The following CTNS variants were observed in gnomAD, a reference collection of about 807,000 sequenced individuals.
CTNS encodes cystinosin.
In CTNS, 27 loss-of-function variants were observed where a neutral mutation model predicts 43.7. The observed-to-expected ratio is 0.62, with a 90% confidence interval of 0.46 to 0.85. The LOEUF is 0.85. Ranked by LOEUF, CTNS falls within the 40% of genes least tolerant of loss-of-function variation. CTNS has a pLI of 0.00. For missense variants in CTNS, 457 were observed against 475.4 expected (o/e 0.96, Z 0.36); for synonymous variants, 187 against 190.6 (o/e 0.98, Z 0.16).
At position 3,637,123 on chromosome 17, in the gene CTNS, TGAGA is replaced by T. The variant is rs2075548997; in HGVS notation, c.-210_-207del. 6.6e-6 allele frequency: 1 copy of T among 152,248 alleles called. No individual in the cohort carries two copies. Among genetic ancestry groups the T allele is most frequent in the Non-Finnish European group, 1.5e-5 (1 of 68,094 alleles). The allele number at this position is 152,248 out of a possible 1,614,324, so 9.4% of individuals were successfully genotyped here. A position where few individuals can be genotyped will look rare whatever the true frequency, so the allele number is the denominator to read the frequency against. ...AATTTGCAGATTGCTTTGGAGACGC[TGAGA>T]GAACCTTTGCGAGAGCGCCGGTTGA... is the stretch of plus-strand genomic sequence containing the variant. On this transcript the variant is annotated 5_prime_UTR_variant, in exon 2 of 12. It removes the in-frame stop codon of an upstream open reading frame in the 5' UTR. Coordinates refer to ENST00000046640, the MANE Select transcript of CTNS (RefSeq NM_004937.3).
intron 3 of CTNS, among the ~76,000 whole-genome samples, chr17:3,641,378 ATATATATTTTT>A (rs2075695852): frequency 5.6e-4 from 22 of 38,998 alleles, no homozygotes; most frequent in African/African-American, 3.3e-3. Flanking sequence ...ATATATATAT[ATATATATTTTT>A]TTTTTTTTTT....
chr17:3,642,215 GCT>G (rs1371550671), intron 3 of CTNS, among the ~76,000 whole-genome samples: 4 of 151,556 alleles, frequency 2.6e-5, no homozygotes, highest in Non-Finnish European at 2.9e-5. Flanking sequence ...ATGCTAACAC[GCT>G]CCCCTAGGAG....
chr17:3,654,031 C>A (rs1465568922), intron 5 of CTNS, among the ~76,000 whole-genome samples: 1 of 152,190 alleles, frequency 6.6e-6, no homozygotes, highest in Non-Finnish European at 1.5e-5. Context: ...TATGTGCCTC[C>A]TCTGCTTTGT....
At chr17:3,652,557 A>T (rs2076012735) in intron 5 of CTNS, among the ~76,000 whole-genome samples, 2 of 152,032 alleles carry the variant, frequency 1.3e-5, no homozygotes, top group Admixed American at 1.3e-4. Context: ...ATGCCATTGC[A>T]CTCCAGCCTG....
At chr17:3,657,200 A>G (rs985132189) in intron 9 of CTNS, among the ~76,000 whole-genome samples, 5 of 151,412 alleles carry the variant, frequency 3.3e-5, no homozygotes, top group Non-Finnish European at 7.4e-5. Context: ...GGGAGGGGCC[A>G]GGGTGGGCTC....
rs161400 is a variant in CTNS, at chr17:3,658,102, C to T, written c.779C>T (p.Thr260Ile). The change falls in exon 10 of 12, where the codon ACC becomes ATC. Residue 260 changes from threonine to isoleucine, a missense_variant. Physicochemically the swap from Thr to Ile is moderately conservative, Grantham distance 89 (BLOSUM62 -1). Transcript: ENST00000046640. ...VTMIVAAVGVTTWLQFLFCFS... is the reference protein window; with the variant it reads ...VTMIVAAVGVITWLQFLFCFS... ...ATGATCGTGGCTGCAGTGGGAGTGA[C>T]CACGTGGCTGCAGTTTCTCTTCTGC... The T allele has an allele frequency of 0.94, 1,512,034 of 1,612,378 alleles. 714,243 individuals are homozygous for T. Among genetic ancestry groups the T allele is most frequent in the Non-Finnish European group, 0.96 (1,133,987 of 1,179,964 alleles).
intron 2 of CTNS, among the ~76,000 whole-genome samples, chr17:3,639,396 G>A (rs1215060396): frequency 1.3e-5 from 2 of 152,062 alleles, no homozygotes; most frequent in Non-Finnish European, 2.9e-5. Flanking sequence ...TGACAGGCGC[G>A]GTGGCTCCTA....
chr17:3,659,987 A>AGCGGGCTGCTGGCCACCCT lies in CTNS; in HGVS notation c.970+17_970+35dup. 6.2e-7 allele frequency: 1 copy of AGCGGGCTGCTGGCCACCCT among 1,605,096 alleles called. No individual in the cohort carries two copies. The highest frequency in any genetic ancestry group is 1.1e-5 in the South Asian group (1 of 90,912). ...GTCCTACAACAACGGTGAGTCAGCC[A>AGCGGGCTGCTGGCCACCCT]GCGGGCTGCTGGCCACCCTGCGGCT... is the stretch of plus-strand genomic sequence containing the variant. On this transcript the variant is annotated intron_variant, in intron 11 of 11. Coordinates refer to ENST00000046640, the MANE Select transcript of CTNS (RefSeq NM_004937.3).
rs768600603 is a variant in CTNS at position 3,656,748 on chromosome 17, G to A, written c.634G>A (p.Ala212Thr). Residue 212 changes from alanine to threonine, a missense_variant, in exon 9 of 12, where the codon GCG becomes ACG. Ala to Thr is a moderately conservative substitution (Grantham distance 58). Coordinates refer to ENST00000046640, the MANE Select transcript of CTNS (RefSeq NM_004937.3). Reference protein sequence around the residue: ...NSNDVFFSLHAVVLTLIIIVQ... With the variant: ...NSNDVFFSLHTVVLTLIIIVQ... ...CAACGACGTCTTCTTCAGCCTGCAC[G>A]CGGTTGTCCTCACGCTGATCATCAT... 1.8e-5 allele frequency: 29 copies of A among 1,613,294 alleles called. No individual in the cohort carries two copies. The highest frequency in any genetic ancestry group is 4.5e-5 in the East Asian group (2 of 44,814).
chr17:3,652,807 A>G (rs1597638004), intron 5 of CTNS, among the ~76,000 whole-genome samples: 1 of 152,218 alleles, frequency 6.6e-6, no homozygotes, highest in Non-Finnish European at 1.5e-5. Flanking sequence ...AGGAAAATAA[A>G]AGAGCCAGGA....
Position 3,653,264 on chromosome 17 carries a change from T to C in CTNS, c.226-1734T>C, listed in dbSNP as rs528095516. 5.3e-5 allele frequency among the ~76,000 whole-genome samples: 8 copies of C among 150,782 alleles called. No homozygotes were observed. The South Asian group carries it at 1.7e-3, about 32-fold the overall frequency. The stretch of plus-strand genomic sequence containing the variant: ...CCATCTCTACGAAAAATACAAAAAA[T>C]TAGCTGGGTATGGTTGTGGGCACCT... On this transcript the variant is annotated intron_variant, in intron 5 of 11. Transcript: ENST00000046640.
chr17:3,660,412 G>C lies in CTNS; in HGVS notation c.*43G>C, dbSNP rs770460020. The stretch of plus-strand genomic sequence containing the variant: ...TACCCAGCCTCTGGCCTCGTGCCCT[G>C]CTGGGGAAGGCCTCACCCAGCGAAG... On this transcript the variant is annotated 3_prime_UTR_variant, in exon 12 of 12. Coordinates refer to ENST00000046640, the MANE Select transcript of CTNS (RefSeq NM_004937.3). 2 of 1,614,004 alleles carry C rather than the reference G, an allele frequency of 1.2e-6. No individual in the cohort carries two copies. Among genetic ancestry groups the C allele is most frequent in the Admixed American group, 1.7e-5 (1 of 60,026 alleles).
At chr17:3,653,943 C>CT (rs529972778) in intron 5 of CTNS, among the ~76,000 whole-genome samples, 192 of 152,178 alleles carry the variant, frequency 1.3e-3, no homozygotes, top group African/African-American at 4.5e-3. Context: ...CCTCCGGGTA[C>CT]TTTCCTTGAA....
chr17:3,637,002 G>C (rs2075545598), intron 1 of CTNS, 105 bp from the exon 2 acceptor site: 1 of 152,314 alleles, frequency 6.6e-6, no homozygotes, highest in African/African-American at 2.4e-5. Context: ...GGGCCCGAGC[G>C]GTGGTCAGCC....
At chr17:3,650,350 T>A in intron 5 of CTNS, 2 of 1,545,818 alleles carry the variant, frequency 1.3e-6, no homozygotes, top group Non-Finnish European at 1.7e-6. Flanking sequence ...GCTGCAGAGA[T>A]GTGCACCTGT....
intron 10 of CTNS, among the ~76,000 whole-genome samples, chr17:3,658,796 G>A (rs577971109): frequency 3.1e-4 from 47 of 152,344 alleles, no homozygotes; most frequent in Middle Eastern, 6.8e-3. Flanking sequence ...AGGCAGGACT[G>A]GACTCTTAGG....
intron 3 of CTNS, among the ~76,000 whole-genome samples, chr17:3,643,436 T>C (rs1039790648): frequency 1.3e-5 from 2 of 151,830 alleles, no homozygotes; most frequent in Admixed American, 6.6e-5. Context: ...AAGAATTAAT[T>C]TTAAAAACCT....
At position 3,647,856 on chromosome 17, in the gene CTNS, A is replaced by G. The variant is rs371639820; in HGVS notation, c.140+334A>G. On this transcript the variant is annotated intron_variant, in intron 4 of 11. Coordinates refer to ENST00000046640, the MANE Select transcript of CTNS (RefSeq NM_004937.3). ...ATTCTTTCTAAGACTAAGTATTTGA[A>G]GAGAGCCCTGAAGGTCAAGGGGCAG... 8.3e-4 allele frequency among the ~76,000 whole-genome samples: 126 copies of G among 152,328 alleles called. 4 individuals carry two copies. In the South Asian group the frequency reaches 0.024, roughly 29 times the overall value.
intron 3 of CTNS, among the ~76,000 whole-genome samples, chr17:3,643,407 G>C (rs1322275381): frequency 5.3e-5 from 8 of 152,036 alleles, no homozygotes; most frequent in African/African-American, 1.7e-4. Flanking sequence ...GGTAGGTGCA[G>C]AGTGGGAGAG....
Sources: gnomAD v4.1 joint callset for allele counts (sites outside exome capture counted in the v4.1 genomes callset) on GRCh38, gnomAD v4.1.1 for gene constraint, MANE v1.5 for transcripts, NCBI Gene and HGNC (gene_info 2026-07-23, HGNC 2026-07-21) for gene names.